ZNF883: variants seen among roughly 807,000 people sequenced by gnomAD.
ZNF883 encodes the protein zinc finger protein 883.
At chr9:113,009,183 A>G (rs1327708773) in intron 2 of ZNF883, among the ~76,000 whole-genome samples, 2 of 147,156 alleles carry the variant, frequency 1.4e-5, no homozygotes, top group Admixed American at 6.6e-5. Flanking sequence ...GAAAATTGGT[A>G]AATTATATGT....
chr9:113,001,617 T>TA (rs1367140938), upstream of ZNF883, among the ~76,000 whole-genome samples: 4 of 152,168 alleles, frequency 2.6e-5, no homozygotes, highest in Non-Finnish European at 4.4e-5. Flanking sequence ...CCATAATGGA[T>TA]AAATGGACTC....
At chr9:112,995,397 G>T (rs1308190250), downstream of ZNF883, among the ~76,000 whole-genome samples, 1 of 151,906 alleles carries the variant, frequency 6.6e-6, no homozygotes, top group African/African-American at 2.4e-5. Flanking sequence ...CAGATCTTGG[G>T]CTTCTTATCA....
chr9:113,001,023 CACAAG>C (rs1828416543), upstream of ZNF883, among the ~76,000 whole-genome samples: 2 of 152,044 alleles, frequency 1.3e-5, no homozygotes, highest in Non-Finnish European at 2.9e-5. Context: ...GGTGATGTCA[CACAAG>C]GTAAAACAAA....
chr9:112,995,034 A>C (rs112872467), downstream of ZNF883, among the ~76,000 whole-genome samples: 1 of 152,174 alleles, frequency 6.6e-6, no homozygotes, highest in Non-Finnish European at 1.5e-5. Context: ...TTATGTGTCA[A>C]CTTGACGGTC....
chr9:112,995,764 A>G (rs1435199025), downstream of ZNF883, among the ~76,000 whole-genome samples: 1 of 152,152 alleles, frequency 6.6e-6, no homozygotes, highest in East Asian at 1.9e-4. Flanking sequence ...AGAAGTTCTA[A>G]AATAAACCTT....
intron 1 of ZNF883, among the ~76,000 whole-genome samples, chr9:112,988,190 GGTTT>G (rs773942297): frequency 6.6e-6 from 1 of 152,082 alleles, no homozygotes; most frequent in Non-Finnish European, 1.5e-5. Context: ...AGGACATGCA[GGTTT>G]GTTACATAAG....
exon 1 of ZNF883, chr9:112,997,547 T>C: frequency 6.2e-7 from 1 of 1,614,172 alleles, no homozygotes; most frequent in East Asian, 2.2e-5. Context: ...TGCATTACAC[T>C]CATAGGGTTT....
chr9:112,997,379 T>A, exon 1 of ZNF883: 1 of 1,614,016 alleles, frequency 6.2e-7, no homozygotes, highest in East Asian at 2.2e-5. Flanking sequence ...TTCATTACAT[T>A]GATAGGGTTT....
At chr9:112,997,308 C>T (rs1210547256) in exon 1 of ZNF883, 1 of 1,614,158 alleles carries the variant, frequency 6.2e-7, no homozygotes, top group African/African-American at 1.3e-5. Flanking sequence ...TAGGGTTTCT[C>T]TCCTGTATGC....
At chr9:112,992,871 CT>C (rs1828315242), downstream of ZNF883, among the ~76,000 whole-genome samples, 1 of 152,154 alleles carries the variant, frequency 6.6e-6, no homozygotes, top group Non-Finnish European at 1.5e-5. Context: ...GTTATTGATA[CT>C]TGTGGCTTCA....
chr9:112,997,207 A>G (rs761175509), exon 1 of ZNF883: 1 of 1,614,002 alleles, frequency 6.2e-7, no homozygotes, highest in Non-Finnish European at 8.5e-7. Context: ...CACACTTAGT[A>G]CATTGATAGG....
At chr9:112,997,746 G>A (rs779211706) in exon 1 of ZNF883, 3 of 1,613,790 alleles carry the variant, frequency 1.9e-6, no homozygotes, top group African/African-American at 2.7e-5. Flanking sequence ...TGAATTCCCT[G>A]ATGTTCAATT....
upstream of ZNF883, among the ~76,000 whole-genome samples, chr9:113,001,732 T>C (rs1828426184): frequency 6.6e-6 from 1 of 152,212 alleles, no homozygotes; most frequent in African/African-American, 2.4e-5. Context: ...TCTATTTATA[T>C]GGTTCTTCTT....
downstream of ZNF883, among the ~76,000 whole-genome samples, chr9:112,995,198 G>A (rs1488358829): frequency 6.6e-6 from 1 of 151,262 alleles, no homozygotes; most frequent in Admixed American, 6.6e-5. Context: ...GGCCCAAATA[G>A]AATAAAAGGC....
chr9:112,988,524 T>C (rs1828273880), intron 1 of ZNF883, among the ~76,000 whole-genome samples: 1 of 150,328 alleles, frequency 6.7e-6, no homozygotes, highest in African/African-American at 2.4e-5. Flanking sequence ...TTATCCAGTC[T>C]ATCATTCCAT....
At chr9:113,004,452 A>G (rs1211524476) in intron 2 of ZNF883, among the ~76,000 whole-genome samples, 1 of 152,124 alleles carries the variant, frequency 6.6e-6, no homozygotes, top group African/African-American at 2.4e-5. Context: ...CCCCTGAGGT[A>G]ATAGTATTAG....
At chr9:113,010,583 C>T (rs942684961) in intron 2 of ZNF883, among the ~76,000 whole-genome samples, 7 of 152,072 alleles carry the variant, frequency 4.6e-5, no homozygotes, top group Non-Finnish European at 7.4e-5. Flanking sequence ...ATGAAAAGTA[C>T]GTGAGGTGAT....
chr9:112,999,485 T>C (rs979323624), upstream of ZNF883, among the ~76,000 whole-genome samples: 7 of 152,202 alleles, frequency 4.6e-5, no homozygotes, highest in African/African-American at 1.7e-4. Context: ...AAGCATCATA[T>C]CCCTCAAGTT....
At chr9:113,010,857 A>C (rs1398828481) in intron 2 of ZNF883, among the ~76,000 whole-genome samples, 1 of 151,836 alleles carries the variant, frequency 6.6e-6, no homozygotes, top group African/African-American at 2.4e-5. Flanking sequence ...GTGGTGGTGC[A>C]CGCCTGTAAT....
Sources: allele counts gnomAD v4.1 joint callset (sites outside exome capture counted in the v4.1 genomes callset), GRCh38; gene constraint gnomAD v4.1.1; transcripts MANE v1.5; gene names NCBI Gene and HGNC (gene_info 2026-07-23, HGNC 2026-07-21).